The following NCOA1 variants were observed in gnomAD, a reference collection of about 807,000 sequenced individuals.
NCOA1 encodes the protein Hin-2 protein.
Under a neutral mutation model 150.9 loss-of-function variants are expected in NCOA1, and 35 were observed. The observed-to-expected ratio is 0.23, with a 90% CI of 0.18 to 0.31. The LOEUF is 0.31. Ranked by LOEUF, NCOA1 falls within the 10% of genes least tolerant of loss-of-function variation. NCOA1 has a pLI of 1.00. For synonymous variants in NCOA1, 590 were observed against 630.0 expected (o/e 0.94, Z 0.95); for missense variants, 1,491 against 1,749.3 (o/e 0.85, Z 2.63).
At chr2:24,741,211 T>C (rs1416566843) in intron 18 of NCOA1, among the ~76,000 whole-genome samples, 1 of 152,144 alleles carries the variant, frequency 6.6e-6, no homozygotes, top group Non-Finnish European at 1.5e-5. Context: ...TTGGTAAATA[T>C]AGAAAAGTAT....
At chr2:24,640,991 C>A (rs1008568709) in intron 3 of NCOA1, among the ~76,000 whole-genome samples, 15 of 151,976 alleles carry the variant, frequency 9.9e-5, no homozygotes, top group African/African-American at 3.6e-4. Context: ...TCTTTTCCTA[C>A]TTTCTTGCCT....
chr2:24,711,535 A>G (rs1476080866), intron 14 of NCOA1: 1 of 152,810 alleles, frequency 6.5e-6, no homozygotes, highest in African/African-American at 2.4e-5. Flanking sequence ...TTGATGTTTT[A>G]ATGCCTATTA....
Position 24,729,651 on chromosome 2 carries a change from A to G in NCOA1, c.3037A>G (p.Arg1013Gly). Residue 1013 changes from arginine (R) to glycine (G), a missense_variant, in exon 17 of 23, where the codon AGG (arginine) becomes GGG (glycine). By Grantham distance (125) the Arg-to-Gly change is moderately radical (BLOSUM62 -2). Transcript: ENST00000348332. Reference sequence around the variant, plus strand: ...CCCTAGCCCTTTCCAAGGCATGGTCAGGCAAAAACCTTCACTGGGGACGAT... The same window carrying G: ...CCCTAGCCCTTTCCAAGGCATGGTCGGGCAAAAACCTTCACTGGGGACGAT... ...NLPSPFQGMV[R>G]QKPSLGTMPV... The G allele has an allele frequency of 6.2e-7, 1 of 1,614,162 alleles. No homozygotes were observed. The highest frequency in any genetic ancestry group is 8.5e-7 in the Non-Finnish European group (1 of 1,180,032).
chr2:24,509,397 G>T lies in NCOA1; in HGVS notation c.-396+17795G>T, dbSNP rs149891857. 3.7e-4 allele frequency among the ~76,000 whole-genome samples: 56 copies of T among 152,226 alleles called. No individual in the cohort carries two copies. The East Asian group carries it at 8.7e-3, about 24-fold the overall frequency. The stretch of plus-strand genomic sequence containing the variant: ...CAAATAGCTGCCTTATCTACTTTGG[G>T]GGTCAATTAGATGTTGTTTGTGAAA... On this transcript the variant is annotated intron_variant, in intron 1 of 22. Transcript: ENST00000348332.
intron 1 of NCOA1, among the ~76,000 whole-genome samples, chr2:24,512,635 T>C (rs1050880065): frequency 6.6e-6 from 1 of 152,190 alleles, no homozygotes; most frequent in African/African-American, 2.4e-5. Flanking sequence ...CAGAGTGTAA[T>C]TGACTGATAG....
At chr2:24,614,483 G>T (rs1006676604) in intron 3 of NCOA1, among the ~76,000 whole-genome samples, 9 of 151,740 alleles carry the variant, frequency 5.9e-5, no homozygotes, top group Non-Finnish European at 1.2e-4. Context: ...GCCTGCCTCG[G>T]CCTTGCAAAG....
chr2:24,709,963 A>G (rs145133183), intron 13 of NCOA1, among the ~76,000 whole-genome samples: 136 of 152,324 alleles, frequency 8.9e-4, no homozygotes, highest in African/African-American at 3.2e-3. Flanking sequence ...GTTGAACTAG[A>G]TAATGAAACC....
chr2:24,508,682 AT>A (rs1663808323), intron 1 of NCOA1, among the ~76,000 whole-genome samples: 1 of 152,026 alleles, frequency 6.6e-6, no homozygotes, highest in South Asian at 2.1e-4. Context: ...GTCCTGTAGA[AT>A]TTCCTACAGT....
chr2:24,764,790 G>A lies in NCOA1; in HGVS notation c.4155+2014G>A, dbSNP rs563852547. ...GAAGTGCTAGTTTAGACTTCATCTT[G>A]GGAAGAAGGTGAAGGAAGATATATT... On this transcript the variant is annotated intron_variant, in intron 22 of 22. Coordinates refer to ENST00000348332, the MANE Select transcript of NCOA1 (RefSeq NM_003743.5). 1.2e-4 allele frequency among the ~76,000 whole-genome samples: 19 copies of A among 152,306 alleles called. 1 individual carries two copies. In the South Asian group the frequency reaches 3.9e-3, roughly 32 times the overall value.
chr2:24,566,590 A>G (rs2148268041), intron 2 of NCOA1, among the ~76,000 whole-genome samples: 1 of 152,310 alleles, frequency 6.6e-6, no homozygotes, highest in South Asian at 2.1e-4. Context: ...CAGGACTGGC[A>G]GCTTGGCCCC....
At chr2:24,759,509 CAT>C (rs1235452315) in intron 21 of NCOA1, among the ~76,000 whole-genome samples, 2 of 152,114 alleles carry the variant, frequency 1.3e-5, no homozygotes, top group Non-Finnish European at 1.5e-5. Context: ...GAGCCTCTTA[CAT>C]ATTTTTAGAA....
At chr2:24,537,007 C>G (rs1050790081) in intron 1 of NCOA1, among the ~76,000 whole-genome samples, 2 of 151,880 alleles carry the variant, frequency 1.3e-5, no homozygotes, top group Non-Finnish European at 2.9e-5. Flanking sequence ...GTAAAAAAAA[C>G]TACATATTGG....
intron 1 of NCOA1, among the ~76,000 whole-genome samples, chr2:24,547,396 T>C (rs1665645018): frequency 6.6e-6 from 1 of 152,206 alleles, no homozygotes; most frequent in African/African-American, 2.4e-5. Context: ...GTTGCAAATC[T>C]TCCAAAACAT....
intron 22 of NCOA1, 151 bp downstream of exon 22, chr2:24,762,927 T>C (rs1031189818): frequency 3.0e-6 from 2 of 669,150 alleles, no homozygotes; most frequent in Non-Finnish European, 5.3e-6. Context: ...CCTGGGCATG[T>C]TATGGAGCTT....
chr2:24,491,588 AGGC>A lies in NCOA1; in HGVS notation c.-400_-398del, dbSNP rs1317859312. 2.1e-5 allele frequency among the ~76,000 whole-genome samples: 1 copy of A among 47,808 alleles called. No homozygotes were observed. The highest frequency in any genetic ancestry group is 5.3e-4 in the East Asian group (1 of 1,902). The allele number at this position is 47,808 out of a possible 152,430, so 31.4% of individuals were successfully genotyped here. On this transcript the variant is annotated 5_prime_UTR_variant, in exon 1 of 23. Transcript: ENST00000348332. ...TGCGGCGCCGGTGAGCGGGGCCCAG[AGGC>A]GGCGGCGGCAGGTGAGTGGCGGGCT...
chr2:24,506,442 T>C (rs1663698888), intron 1 of NCOA1, among the ~76,000 whole-genome samples: 1 of 152,106 alleles, frequency 6.6e-6, no homozygotes, highest in South Asian at 2.1e-4. Flanking sequence ...TTGAGGACTT[T>C]TGGGGTCAAA....
Position 24,614,199 on chromosome 2 carries a change from C to CTTTTTT in NCOA1, c.-175+29666_-175+29671dup, listed in dbSNP as rs869113477. ...CCTATTGTATCGATTCATTTCCATT[C>CTTTTTT]TTTTTTTTTTTTTTTTTTTTTTTTT... On this transcript the variant is annotated intron_variant, in intron 3 of 22. Coordinates refer to ENST00000348332, the MANE Select transcript of NCOA1 (RefSeq NM_003743.5). Among the ~76,000 whole-genome samples the CTTTTTT allele has an allele frequency of 5.1e-3, 47 of 9,172 alleles. 8 individuals carry two copies. The highest frequency in any genetic ancestry group is 0.011 in the African/African-American group (26 of 2,448). The allele number at this position is 9,172 out of a possible 152,430, so 6.0% of individuals were successfully genotyped here.
chr2:24,634,901 G>A (rs1669874349), intron 3 of NCOA1, among the ~76,000 whole-genome samples: 3 of 151,996 alleles, frequency 2.0e-5, no homozygotes, highest in African/African-American at 7.3e-5. Flanking sequence ...TTGTTTTGTA[G>A]AGACGGGGCC....
At chr2:24,528,388 C>T (rs1302986657) in intron 1 of NCOA1, among the ~76,000 whole-genome samples, 1 of 149,456 alleles carries the variant, frequency 6.7e-6, no homozygotes, top group African/African-American at 2.5e-5. Context: ...GCTTTGTTGC[C>T]CAGGCTGGAA....
Sources: gnomAD v4.1 joint callset for allele counts (sites outside exome capture counted in the v4.1 genomes callset) on GRCh38, gnomAD v4.1.1 for gene constraint, MANE v1.5 for transcripts, NCBI Gene and HGNC (gene_info 2026-07-23, HGNC 2026-07-21) for gene names.